ADIPOQ: variants seen among roughly 807,000 people sequenced by gnomAD.
ADIPOQ encodes adiponectin, C1Q and collagen domain containing.
Under a neutral mutation model 16.1 loss-of-function variants are expected in ADIPOQ, and 19 were observed. The observed-to-expected ratio is 1.18, with a 90% CI of 0.82 to 1.73. The LOEUF (loss-of-function observed/expected upper bound fraction) is 1.73. ADIPOQ is among the 40% of genes most tolerant of loss of function. ADIPOQ has a pLI of 0.00. For missense variants in ADIPOQ, 323 were observed against 308.3 expected, an observed-to-expected ratio of 1.05 and a Z score of -0.36; for synonymous variants, 124 against 125.5, an observed-to-expected ratio of 0.99 and a Z score of 0.08.
In ADIPOQ at chr3:186,856,363, A is replaced by G. The variant is rs1226602706; in HGVS notation, c.*1659A>G. ...AATTTAAAAAACTATCTTTTTGCTT[A>G]CAGTTTTAAATTCTGAACAATTCTC... On this transcript the variant is annotated 3_prime_UTR_variant, in exon 3 of 3. Transcript: ENST00000320741. 1.3e-5 allele frequency: 2 copies of G among 152,210 alleles called. No individual in the cohort carries two copies. Among genetic ancestry groups the G allele is most frequent in the African/African-American group, 4.8e-5 (2 of 41,448 alleles). 9.4% of individuals were successfully genotyped at this position (152,210 alleles called of 1,614,324 possible).
intron 1 of ADIPOQ, among the ~76,000 whole-genome samples, chr3:186,845,235 C>G (rs1304567490): frequency 2.0e-5 from 3 of 151,928 alleles, no homozygotes; most frequent in Non-Finnish European, 4.4e-5. Context: ...TGACAGCTCT[C>G]CCAGGGCTGA....
At chr3:186,847,768 C>A (rs1016566798) in intron 1 of ADIPOQ, among the ~76,000 whole-genome samples, 1 of 152,238 alleles carries the variant, frequency 6.6e-6, no homozygotes, top group Non-Finnish European at 1.5e-5. Context: ...AGAATTGTGA[C>A]ACTTGAGATT....
intron 2 of ADIPOQ, among the ~76,000 whole-genome samples, 174 bp downstream of exon 2, chr3:186,853,446 G>A (rs1338943375): frequency 1.3e-5 from 2 of 151,400 alleles, no homozygotes; most frequent in Admixed American, 1.3e-4. Context: ...AGTGTAGATG[G>A]TGCCTCTATA....
chr3:186,853,018 C>G (rs1711836122), intron 1 of ADIPOQ, 33 bp from the exon 2 acceptor site: 2 of 1,612,088 alleles, frequency 1.2e-6, no homozygotes, highest in Admixed American at 3.3e-5. Flanking sequence ...GGGTCTGTCT[C>G]TCCATGGCTG....
intron 1 of ADIPOQ, among the ~76,000 whole-genome samples, chr3:186,849,786 T>C (rs999674277): frequency 6.6e-6 from 1 of 152,176 alleles, no homozygotes; most frequent in Non-Finnish European, 1.5e-5. Flanking sequence ...TTAATGCAAT[T>C]AAAGGTGTTG....
At chr3:186,852,942 C>A in intron 1 of ADIPOQ, 109 bp from the exon 2 acceptor site, 1 of 1,131,990 alleles carries the variant, frequency 8.8e-7, no homozygotes, top group Non-Finnish European at 1.3e-6. Flanking sequence ...TAGAAAGCAG[C>A]TCCTAGAAGT....
intron 1 of ADIPOQ, chr3:186,852,044 G>A (rs1348124599): frequency 6.5e-6 from 1 of 153,468 alleles, no homozygotes; most frequent in Non-Finnish European, 1.4e-5. Context: ...GAAAGAGAGA[G>A]AGAGAGAATA....
At chr3:186,843,142 G>T (rs935866169) in intron 1 of ADIPOQ, among the ~76,000 whole-genome samples, 4 of 152,190 alleles carry the variant, frequency 2.6e-5, no homozygotes, top group African/African-American at 9.7e-5. Context: ...AAAGGAAGAA[G>T]CATATATGAA....
rs1711965305 is a variant in ADIPOQ at position 186,855,506 on chromosome 3, G to A, written c.*802G>A. ...GTCTCACTCTGTCACCCAGGCTGGA[G>A]TACAGTGACACGACCTCGGCTCACT... On this transcript the variant is annotated 3_prime_UTR_variant, in exon 3 of 3. Transcript: ENST00000320741. The A allele has an allele frequency of 6.6e-6, 1 of 151,250 alleles. No homozygotes were observed. The highest frequency in any genetic ancestry group is 2.1e-4 in the South Asian group (1 of 4,792). 9.4% of individuals were successfully genotyped at this position (151,250 alleles called of 1,614,324 possible).
chr3:186,854,008 T>A, intron 2 of ADIPOQ, 176 bp from the exon 3 acceptor site: 1 of 633,750 alleles, frequency 1.6e-6, no homozygotes, highest in African/African-American at 1.8e-5. Context: ...TCCATGTCTG[T>A]GGGAGATATA....
chr3:186,852,896 A>G, intron 1 of ADIPOQ, 155 bp from the exon 2 acceptor site: 1 of 704,620 alleles, frequency 1.4e-6, no homozygotes, highest in Non-Finnish European at 2.4e-6. Flanking sequence ...GTGGGCTGCA[A>G]TATTCAGAAA....
chr3:186,854,196 C>G lies in ADIPOQ; in HGVS notation c.227C>G (p.Pro76Arg). Residue 76 changes from proline to arginine, a missense_variant, in exon 3 of 3, where the codon CCT (proline) becomes CGT (arginine). Physicochemically the swap from Pro to Arg is moderately radical, Grantham distance 103. Transcript: ENST00000320741. ...TCTCATTCCTTAGGTCTTATTGGTC[C>G]TAAGGGAGACATCGGTGAAACCGGA... is the stretch of plus-strand genomic sequence containing the variant. ...GEKGDPGLIG[P>R]KGDIGETGVP... The G allele has an allele frequency of 6.2e-7, 1 of 1,613,262 alleles. No individual in the cohort carries two copies. Among genetic ancestry groups the G allele is most frequent in the Non-Finnish European group, 8.5e-7 (1 of 1,179,470 alleles).
At position 186,853,214 on chromosome 3, in the gene ADIPOQ, C is replaced by T; in HGVS notation, c.156C>T (p.Ala52=). ...CAGGGCATCCGGGCCATAATGGGGCCCCAGGCCGTGATGGCAGAGATGGCA... is the reference window on the plus strand; with the variant it reads ...CAGGGCATCCGGGCCATAATGGGGCTCCAGGCCGTGATGGCAGAGATGGCA... ...GIPGHPGHNG[A]PGRDGRDGTP... is the part of the protein sequence containing the mutation. The change falls in exon 2 of 3, where the codon GCC becomes GCT. Residue 52 remains alanine (A), a synonymous_variant. Transcript: ENST00000320741. 6.2e-7 allele frequency: 1 copy of T among 1,613,752 alleles called. No homozygotes were observed. Among genetic ancestry groups the T allele is most frequent in the Non-Finnish European group, 8.5e-7 (1 of 1,179,880 alleles).
intron 1 of ADIPOQ, among the ~76,000 whole-genome samples, chr3:186,843,654 T>A: frequency 1.1e-5 from 1 of 91,000 alleles, no homozygotes; most frequent in South Asian, 4.3e-4. Context: ...GAGCGAGACT[T>A]TGTGTCAAAA....
At chr3:186,849,540 T>G (rs1288774799) in intron 1 of ADIPOQ, among the ~76,000 whole-genome samples, 1 of 152,140 alleles carries the variant, frequency 6.6e-6, no homozygotes. Flanking sequence ...CCTGAATTCT[T>G]CAAATTCAGT....
At chr3:186,847,321 TA>T (rs1711604293) in intron 1 of ADIPOQ, among the ~76,000 whole-genome samples, 1 of 152,254 alleles carries the variant, frequency 6.6e-6, no homozygotes, top group Admixed American at 6.5e-5. Context: ...AAAAGGGTTT[TA>T]TAAATAGCAT....
At chr3:186,853,945 G>T in intron 2 of ADIPOQ, 3 of 496,130 alleles carry the variant, frequency 6.0e-6, no homozygotes, top group Non-Finnish European at 1.1e-5. Context: ...AGGGTGGAGG[G>T]TCTATGATAG....
At chr3:186,845,896 A>G (rs1711563246) in intron 1 of ADIPOQ, among the ~76,000 whole-genome samples, 2 of 152,154 alleles carry the variant, frequency 1.3e-5, no homozygotes, top group South Asian at 4.1e-4. Flanking sequence ...ACATGATCAC[A>G]TTTCGCGGAT....
In ADIPOQ at chr3:186,853,066, T is replaced by C. The variant is rs1458800497; in HGVS notation, c.8T>C (p.Leu3Ser). Residue 3 changes from leucine to serine, a missense_variant, in exon 2 of 3, where the codon TTG becomes TCG. Leu to Ser is a moderately radical substitution (Grantham distance 145). Coordinates refer to ENST00000320741, the MANE Select transcript of ADIPOQ (RefSeq NM_004797.4). ML[L>S]LGAVLLLLAL... The stretch of plus-strand genomic sequence containing the variant: ...TGGATTCCAGGGCTCAGGATGCTGT[T>C]GCTGGGAGCTGTTCTACTGCTATTA... 6.2e-7 allele frequency: 1 copy of C among 1,614,078 alleles called. No individual in the cohort carries two copies. Among genetic ancestry groups the C allele is most frequent in the Admixed American group, 1.7e-5 (1 of 60,006 alleles).
Sources: allele counts gnomAD v4.1 joint callset (sites outside exome capture counted in the v4.1 genomes callset), GRCh38; gene constraint gnomAD v4.1.1; transcripts MANE v1.5; gene names NCBI Gene and HGNC (gene_info 2026-07-23, HGNC 2026-07-21).